ANKRD55: variants seen among roughly 807,000 people sequenced by gnomAD.
ANKRD55 encodes the protein ankyrin repeat domain-containing protein 55.
Under a neutral mutation model 60.6 loss-of-function variants are expected in ANKRD55, and 41 were observed. The observed-to-expected ratio is 0.68, with a 90% CI of 0.53 to 0.88. The LOEUF is 0.88. Ranked by LOEUF, ANKRD55 falls within the 40% of genes least tolerant of loss-of-function variation. ANKRD55 has a pLI of 0.00. For missense variants in ANKRD55, 732 were observed against 767.6 expected (o/e 0.95, Z 0.55); for synonymous variants, 264 against 290.3 (o/e 0.91, Z 0.92).
intron 2 of ANKRD55, among the ~76,000 whole-genome samples, chr5:56,202,642 T>C (rs1759406035): frequency 6.6e-6 from 1 of 152,204 alleles, no homozygotes; most frequent in East Asian, 1.9e-4. Flanking sequence ...GTGACCTTCA[T>C]ACCGTGGGAG....
intron 4 of ANKRD55, among the ~76,000 whole-genome samples, chr5:56,172,788 C>A (rs940876794): frequency 6.6e-6 from 1 of 152,042 alleles, no homozygotes; most frequent in Admixed American, 6.6e-5. Flanking sequence ...CAGTGATTTG[C>A]CTAACCAACG....
At chr5:56,133,311 T>G (rs1338803286) in intron 7 of ANKRD55, among the ~76,000 whole-genome samples, 1 of 152,014 alleles carries the variant, frequency 6.6e-6, no homozygotes, top group South Asian at 2.1e-4. Context: ...TGGTGGTGCA[T>G]GCCTGTAATC....
intron 7 of ANKRD55, among the ~76,000 whole-genome samples, chr5:56,127,867 G>A (rs778682998): frequency 1.3e-5 from 2 of 152,064 alleles, no homozygotes; most frequent in Middle Eastern, 3.4e-3. Context: ...TCCCTTTTGC[G>A]TCTTCTTCCT....
intron 2 of ANKRD55, among the ~76,000 whole-genome samples, chr5:56,189,094 C>T (rs971076955): frequency 6.6e-6 from 1 of 151,760 alleles, no homozygotes; most frequent in African/African-American, 2.4e-5. Context: ...AATCATGTCA[C>T]GTGAAGAATG....
At position 56,140,439 on chromosome 5, in the gene ANKRD55, T is replaced by C. The variant is rs1427623264; in HGVS notation, c.612+3362A>G. 2.0e-5 allele frequency among the ~76,000 whole-genome samples: 3 copies of C among 152,264 alleles called. No individual in the cohort carries two copies. The East Asian group carries it at 5.8e-4, about 29-fold the overall frequency. On this transcript the variant is annotated intron_variant, in intron 7 of 11. Transcript: ENST00000341048. ...TCCTCATTGAGGAGGTCAAGAAAGT[T>C]GTGGACTCCTTCCTCAGAAAAATGA... is the stretch of plus-strand genomic sequence containing the variant.
intron 4 of ANKRD55, among the ~76,000 whole-genome samples, chr5:56,171,953 A>G (rs1758617804): frequency 6.6e-6 from 1 of 151,986 alleles, no homozygotes. Context: ...CCCCATCTCT[A>G]CCAAAAATAC....
At chr5:56,107,010 T>TA (rs371808077) in intron 10 of ANKRD55, among the ~76,000 whole-genome samples, 11,766 of 114,436 alleles carry the variant, frequency 0.1, 619 homozygotes, top group Middle Eastern at 0.29. Context: ...TATCTCTCTC[T>TA]AAAAAAAAAA....
chr5:56,167,915 A>C (rs1758521564), intron 5 of ANKRD55, among the ~76,000 whole-genome samples: 2 of 152,368 alleles, frequency 1.3e-5, no homozygotes, highest in Non-Finnish European at 1.5e-5. Flanking sequence ...ATTTCAGAGA[A>C]TGAACCTAAT....
chr5:56,219,324 A>G (rs887951332), intron 2 of ANKRD55, among the ~76,000 whole-genome samples: 14 of 152,064 alleles, frequency 9.2e-5, no homozygotes, highest in African/African-American at 2.4e-4. Context: ...ATACTATTGA[A>G]TATTATATGC....
At chr5:56,124,066 T>G (rs1184527036) in intron 8 of ANKRD55, among the ~76,000 whole-genome samples, 1 of 152,140 alleles carries the variant, frequency 6.6e-6, no homozygotes, top group African/African-American at 2.4e-5. Flanking sequence ...GAGGAATGAT[T>G]AATGAAACAT....
intron 3 of ANKRD55, among the ~76,000 whole-genome samples, chr5:56,177,362 C>T (rs1758758497): frequency 6.6e-6 from 1 of 152,148 alleles, no homozygotes; most frequent in Non-Finnish European, 1.5e-5. Context: ...CCCTTCCTCC[C>T]TTCCTTTCTT....
chr5:56,138,918 A>T (rs1757680992), intron 7 of ANKRD55, among the ~76,000 whole-genome samples: 2 of 152,194 alleles, frequency 1.3e-5, no homozygotes, highest in Admixed American at 1.3e-4. Context: ...ACATGTCATT[A>T]TACCTTTGTC....
intron 6 of ANKRD55, among the ~76,000 whole-genome samples, chr5:56,144,772 T>C (rs796804662): frequency 3.9e-5 from 6 of 152,224 alleles, no homozygotes; most frequent in African/African-American, 1.4e-4. Context: ...GTCATATGGG[T>C]TAGGTATAAT....
chr5:56,217,623 C>T (rs868472718), intron 2 of ANKRD55, among the ~76,000 whole-genome samples: 62 of 152,108 alleles, frequency 4.1e-4, no homozygotes, highest in African/African-American at 1.2e-3. Flanking sequence ...ATTCATGATT[C>T]GTGGCTCATG....
chr5:56,141,957 G>A (rs1757781924), intron 7 of ANKRD55, among the ~76,000 whole-genome samples: 2 of 152,166 alleles, frequency 1.3e-5, no homozygotes, highest in Non-Finnish European at 2.9e-5. Flanking sequence ...AAGCCCAAGT[G>A]TATTAATGCA....
At chr5:56,158,284 A>G (rs1456121756) in intron 6 of ANKRD55, among the ~76,000 whole-genome samples, 2 of 152,152 alleles carry the variant, frequency 1.3e-5, no homozygotes, top group Admixed American at 1.3e-4. Flanking sequence ...CCTTGAAAAT[A>G]ATGTAATCGG....
chr5:56,188,089 T>C (rs1398166234), intron 2 of ANKRD55, among the ~76,000 whole-genome samples: 4 of 152,176 alleles, frequency 2.6e-5, no homozygotes, highest in Non-Finnish European at 4.4e-5. Flanking sequence ...TGGAATTGGC[T>C]ATATCCCTGG....
At chr5:56,113,985 A>ACT (rs1466881060) in intron 9 of ANKRD55, among the ~76,000 whole-genome samples, 1 of 54,726 alleles carries the variant, frequency 1.8e-5, no homozygotes, top group East Asian at 3.8e-4. Flanking sequence ...AAATATGTAT[A>ACT]CTATATATAT....
intron 7 of ANKRD55, among the ~76,000 whole-genome samples, chr5:56,131,372 C>G (rs544100779): frequency 4.6e-5 from 7 of 152,102 alleles, no homozygotes; most frequent in Non-Finnish European, 8.8e-5. Flanking sequence ...TTGAGAAAAG[C>G]CTCCCATCAA....
Sources: allele counts gnomAD v4.1 joint callset (sites outside exome capture counted in the v4.1 genomes callset), GRCh38; gene constraint gnomAD v4.1.1; transcripts MANE v1.5; gene names NCBI Gene and HGNC (gene_info 2026-07-23, HGNC 2026-07-21).